Variants in CAVIN4 observed in about 807,000 individuals in gnomAD.
The protein encoded by CAVIN4 is caveolae associated protein 4, also known as caveolae-associated protein 4.
CAVIN4 carries 10 observed loss-of-function variants against 18.6 expected under a neutral mutation model. The ratio of observed to expected loss-of-function variants is 0.54; its 90% CI spans 0.33 to 0.91. The LOEUF (loss-of-function observed/expected upper bound fraction) is 0.91, where lower values mean the gene tolerates loss of function less well. CAVIN4 is among the 40% of genes least tolerant of loss of function. The probability of loss-of-function intolerance (pLI) is 0.02; values close to 1 mark genes in which losing one functional copy is unlikely to be tolerated. For synonymous variants in CAVIN4, 173 were observed against 164.8 expected, an observed-to-expected ratio of 1.05 and a Z score of -0.38; for missense variants, 459 against 440.5, an observed-to-expected ratio of 1.04 and a Z score of -0.38.
At chr9:100,580,727 T>C (rs1339666485) in intron 1 of CAVIN4, among the ~76,000 whole-genome samples, 1 of 152,212 alleles carries the variant, frequency 6.6e-6, no homozygotes, top group Non-Finnish European at 1.5e-5. Context: ...GCACATCTCT[T>C]CTCTTGTAAG....
At chr9:100,584,551 A>G (rs1839458514) in intron 1 of CAVIN4, among the ~76,000 whole-genome samples, 2 of 152,268 alleles carry the variant, frequency 1.3e-5, no homozygotes, top group Admixed American at 6.5e-5. Flanking sequence ...TCTGGGAGAT[A>G]CATATTTTTG....
chr9:100,578,071 A>G (rs1361964448), upstream of CAVIN4: 2 of 1,528,320 alleles, frequency 1.3e-6, no homozygotes, highest in African/African-American at 2.7e-5. Context: ...GTTGCCTGTT[A>G]TCAAGCTGAC....
Position 100,585,978 on chromosome 9 carries a change from C to G in CAVIN4, c.622C>G (p.Gln208Glu), listed in dbSNP as rs1252650137. 3 of 1,614,082 alleles carry G rather than the reference C, an allele frequency of 1.9e-6. No homozygotes were observed. The highest frequency in any genetic ancestry group is 8.5e-7 in the Non-Finnish European group (1 of 1,180,014). The change falls in exon 2 of 2, where the codon CAG (glutamine) becomes GAG (glutamate). Residue 208 changes from glutamine (Q) to glutamate (E), a missense_variant. By Grantham distance (29) the Gln-to-Glu change is conservative. Transcript: ENST00000307584. ...GAAGGCATTTTCCAAAGAAAACATG[C>G]AGAAGACACGGCAGAATCTTGACAA... Reference protein sequence around the residue: ...IKKAFSKENMQKTRQNLDKKV... With the variant: ...IKKAFSKENMEKTRQNLDKKV...
chr9:100,586,015 G>T lies in CAVIN4; in HGVS notation c.659G>T (p.Arg220Ile). The T allele has an allele frequency of 6.2e-7, 1 of 1,614,194 alleles. No individual in the cohort carries two copies. The highest frequency in any genetic ancestry group is 8.5e-7 in the Non-Finnish European group (1 of 1,180,038). The change falls in exon 2 of 2, where the codon AGA (arginine) becomes ATA (isoleucine). Residue 220 changes from arginine to isoleucine, a missense_variant. Physicochemically the swap from Arg to Ile is moderately conservative, Grantham distance 97. Coordinates refer to ENST00000307584, the MANE Select transcript of CAVIN4 (RefSeq NM_001018116.2). ...TRQNLDKKVN[R>I]IRTRIVTPER... ...CAGAATCTTGACAAGAAAGTGAACA[G>T]AATTAGAACTAGAATAGTGACCCCG... is the stretch of plus-strand genomic sequence containing the variant.
intron 1 of CAVIN4, chr9:100,581,085 C>T (rs1171324353): frequency 6.6e-6 from 1 of 152,194 alleles, no homozygotes; most frequent in Non-Finnish European, 1.5e-5. Flanking sequence ...CATACTATAT[C>T]TTCACTAATA....
intron 1 of CAVIN4, among the ~76,000 whole-genome samples, chr9:100,584,199 A>T (rs1236932430): frequency 6.6e-6 from 1 of 152,144 alleles, no homozygotes. Context: ...TTCAAACAGC[A>T]CCTTCCTTGT....
chr9:100,587,180 T>C lies in CAVIN4; in HGVS notation c.*729T>C, dbSNP rs936365144. 1 of 152,192 alleles carries C rather than the reference T, an allele frequency of 6.6e-6. No individual in the cohort carries two copies. The highest frequency in any genetic ancestry group is 1.5e-5 in the Non-Finnish European group (1 of 68,044). The allele number at this position is 152,192 out of a possible 1,614,324, so 9.4% of individuals were successfully genotyped here. A position where few individuals can be genotyped will look rare whatever the true frequency, so the allele number is the denominator to read the frequency against. On this transcript the variant is annotated 3_prime_UTR_variant, in exon 2 of 2. Transcript: ENST00000307584. ...TAGGTTGGAGAGAAACTAAAGCTGGTCTTCAGAAGCCTTTTCACAGAATCA... is the reference window on the plus strand; with the variant it reads ...TAGGTTGGAGAGAAACTAAAGCTGGCCTTCAGAAGCCTTTTCACAGAATCA...
Position 100,586,393 on chromosome 9 carries a change from C to G in CAVIN4, c.1037C>G (p.Ser346Cys), listed in dbSNP as rs1425527987. Reference sequence around the variant, plus strand: ...GAGCCTTTAAAAGTTACTTTTAAATCTCAGGTGAAAGTAGAGGATGATGAA... The same window carrying G: ...GAGCCTTTAAAAGTTACTTTTAAATGTCAGGTGAAAGTAGAGGATGATGAA... ...TPEPLKVTFK[S>C]QVKVEDDESL... is the part of the protein sequence containing the mutation. The change falls in exon 2 of 2, where the codon TCT (serine) becomes TGT (cysteine). Residue 346 changes from serine (S) to cysteine (C), a missense_variant. By Grantham distance (112) the Ser-to-Cys change is moderately radical. Coordinates refer to ENST00000307584, the MANE Select transcript of CAVIN4 (RefSeq NM_001018116.2). 6.2e-7 allele frequency: 1 copy of G among 1,613,884 alleles called. No individual in the cohort carries two copies. Among genetic ancestry groups the G allele is most frequent in the Non-Finnish European group, 8.5e-7 (1 of 1,180,010 alleles).
At chr9:100,580,445 G>T (rs1308228842) in intron 1 of CAVIN4, among the ~76,000 whole-genome samples, 3 of 152,224 alleles carry the variant, frequency 2.0e-5, no homozygotes, top group Non-Finnish European at 2.9e-5. Context: ...CCCTCCACTG[G>T]CATGGGCGCA....
In CAVIN4 at chr9:100,578,159, T is replaced by C; in HGVS notation, c.16T>C (p.Ser6Pro). 1 of 1,613,880 alleles carries C rather than the reference T, an allele frequency of 6.2e-7. No homozygotes were observed. The highest frequency in any genetic ancestry group is 1.3e-5 in the African/African-American group (1 of 75,004). The change falls in exon 1 of 2, where the codon TCT (serine) becomes CCT (proline). Residue 6 changes from serine to proline, a missense_variant. Coordinates refer to ENST00000307584, the MANE Select transcript of CAVIN4 (RefSeq NM_001018116.2). ...AATAAATAAAATGGAACATAATGGG[T>C]CTGCTTCAAATGCTGATAAAATCCA... The part of the protein sequence containing the change: MEHNG[S>P]ASNADKIHQN...
intron 1 of CAVIN4, among the ~76,000 whole-genome samples, chr9:100,583,085 T>G (rs1301746221): frequency 2.0e-5 from 3 of 152,182 alleles, no homozygotes; most frequent in Non-Finnish European, 2.9e-5. Context: ...ACCCATTCAC[T>G]CAGTTTCTTG....
chr9:100,584,955 G>A (rs1839462273), intron 1 of CAVIN4, among the ~76,000 whole-genome samples: 1 of 152,232 alleles, frequency 6.6e-6, no homozygotes. Flanking sequence ...TGGGCTGGAA[G>A]AGTGGGAAAG....
chr9:100,578,487 A>T lies in CAVIN4; in HGVS notation c.344A>T (p.Lys115Ile), dbSNP rs762774797. The T allele has an allele frequency of 6.2e-7, 1 of 1,613,994 alleles. No individual in the cohort carries two copies. ...GTGGAGAAGCAACAAATTCATGTTA[A>T]AAAAGTTGAAGTCAAGCAAGAGGAA... Reference protein sequence around the residue: ...ARVEKQQIHVKKVEVKQEEIM... With the variant: ...ARVEKQQIHVIKVEVKQEEIM... Residue 115 changes from lysine to isoleucine, a missense_variant, in exon 1 of 2, where the codon AAA (lysine) becomes ATA (isoleucine). Lys to Ile is a moderately radical substitution (Grantham distance 102). Coordinates refer to ENST00000307584, the MANE Select transcript of CAVIN4 (RefSeq NM_001018116.2).
chr9:100,586,518 C>A lies in CAVIN4; in HGVS notation c.*67C>A. The A allele has an allele frequency of 1.6e-6, 2 of 1,280,964 alleles. No homozygotes were observed. The highest frequency in any genetic ancestry group is 1.3e-5 in the South Asian group (1 of 79,152). The allele number at this position is 1,280,964 out of a possible 1,614,324, so 79.3% of individuals were successfully genotyped here. A position where few individuals can be genotyped will look rare whatever the true frequency, so the allele number is the denominator to read the frequency against. ...GCAGTTTTAGTTTGAATAGTGTAGT[C>A]GTCTACATTTCTGTGCCATGTAGGA... On this transcript the variant is annotated 3_prime_UTR_variant, in exon 2 of 2. Transcript: ENST00000307584.
rs750458339 is a variant in CAVIN4, at chr9:100,585,764, G to GAAA, written c.409-1_409insAAA (p.Gln136_Glu137insLys). On this transcript the variant is annotated inframe_insertion and splice_region_variant. Transcript: ENST00000307584. ...TATGCTTTGTTTTTTCTCTCCTTCA[G>GAAA]GAGAAGTTTCGGTGTCCGACATCCC... The GAAA allele has an allele frequency of 1.7e-5, 28 of 1,613,520 alleles. No homozygotes were observed. The highest frequency in any genetic ancestry group is 1.2e-4 in the Admixed American group (7 of 60,000).
At chr9:100,585,032 G>C (rs918851939) in intron 1 of CAVIN4, among the ~76,000 whole-genome samples, 4 of 152,128 alleles carry the variant, frequency 2.6e-5, no homozygotes, top group Non-Finnish European at 4.4e-5. Context: ...GTTGAGTATT[G>C]GTGAGCTCTC....
rs143433142 is a variant in CAVIN4 at position 100,586,061 on chromosome 9, G to A, written c.705G>A (p.Arg235=). 1.2e-6 allele frequency: 2 copies of A among 1,603,062 alleles called. No individual in the cohort carries two copies. The highest frequency in any genetic ancestry group is 1.7e-6 in the Non-Finnish European group (2 of 1,170,052). Residue 235 remains arginine (R), a synonymous_variant, in exon 2 of 2, where the codon AGG becomes AGA. Coordinates refer to ENST00000307584, the MANE Select transcript of CAVIN4 (RefSeq NM_001018116.2). ...IVTPERRERL[R]QSGERLRQSG... is the part of the protein sequence containing the mutation. ...CCCCGGAGAGGAGAGAGAGGCTAAG[G>A]CAGTCAGGAGAGAGGCTGAGACAGT...
chr9:100,585,692 T>C (rs1839468034), intron 1 of CAVIN4, 73 bp from the exon 2 acceptor site: 1 of 1,175,230 alleles, frequency 8.5e-7, no homozygotes, highest in South Asian at 1.3e-5. Flanking sequence ...TTACAAGGCA[T>C]GGCCAGAAGG....
chr9:100,577,949 C>G, upstream of CAVIN4: 3 of 559,044 alleles, frequency 5.4e-6, no homozygotes, highest in South Asian at 4.0e-5. Context: ...TTGGAACAGT[C>G]CCCGGTGCTT....
Sources: gnomAD v4.1 joint callset for allele counts (sites outside exome capture counted in the v4.1 genomes callset) on GRCh38, gnomAD v4.1.1 for gene constraint, MANE v1.5 for transcripts, NCBI Gene and HGNC (gene_info 2026-07-23, HGNC 2026-07-21) for gene names.